Variants in PPP1R9A observed in about 807,000 individuals in gnomAD.
PPP1R9A encodes the protein neurabin-1.
Under a neutral mutation model 141.9 loss-of-function variants are expected in PPP1R9A, and 59 were observed. That is an observed-to-expected ratio of 0.42 (90% CI 0.34 to 0.52). The LOEUF (loss-of-function observed/expected upper bound fraction) is 0.52. Ranked by LOEUF, PPP1R9A falls within the 20% of genes least tolerant of loss-of-function variation. The pLI is 0.10. For missense variants in PPP1R9A, 1,444 were observed against 1,611.9 expected, an observed-to-expected ratio of 0.90 and a Z score of 1.78; for synonymous variants, 500 against 569.7, an observed-to-expected ratio of 0.88 and a Z score of 1.74.
intron 4 of PPP1R9A, among the ~76,000 whole-genome samples, chr7:95,126,815 A>T (rs1823632780): frequency 1.3e-5 from 2 of 152,166 alleles, no homozygotes; most frequent in Admixed American, 1.3e-4. Flanking sequence ...GAGATAAAAG[A>T]TACAAGCAAA....
Position 95,290,498 on chromosome 7 carries a change from C to T in PPP1R9A, c.*195C>T, listed in dbSNP as rs1190751327. On this transcript the variant is annotated 3_prime_UTR_variant, in exon 20 of 20. Transcript: ENST00000433360. Reference sequence around the variant, plus strand: ...TCTTAATTTTAACTACTAAAATAATCCCAAGCCACCTTTGGTTCATTAACA... The same window carrying T: ...TCTTAATTTTAACTACTAAAATAATTCCAAGCCACCTTTGGTTCATTAACA... 11 of 600,544 alleles carry T rather than the reference C, an allele frequency of 1.8e-5. No individual in the cohort carries two copies. The Admixed American group carries it at 2.9e-4, about 16-fold the overall frequency. 37.2% of individuals were successfully genotyped at this position (600,544 alleles called of 1,614,324 possible).
intron 2 of PPP1R9A, among the ~76,000 whole-genome samples, chr7:95,014,790 T>C (rs1379176928): frequency 6.6e-6 from 1 of 152,124 alleles, no homozygotes; most frequent in Admixed American, 6.6e-5. Flanking sequence ...GTCATTGTAC[T>C]GTAAGGAAGA....
intron 3 of PPP1R9A, among the ~76,000 whole-genome samples, chr7:95,118,143 C>T (rs17166665): frequency 0.12 from 18,198 of 152,164 alleles, 1,200 homozygotes; most frequent in Admixed American, 0.17. Context: ...TGCATGTAAC[C>T]AGTGTGGGAG....
At chr7:95,192,316 G>A (rs967186959) in intron 5 of PPP1R9A, among the ~76,000 whole-genome samples, 2 of 151,798 alleles carry the variant, frequency 1.3e-5, no homozygotes, top group Non-Finnish European at 2.9e-5. Flanking sequence ...GTATAAATAT[G>A]CAGTTTCACC....
intron 12 of PPP1R9A, among the ~76,000 whole-genome samples, chr7:95,256,292 T>A (rs1487832270): frequency 6.6e-6 from 1 of 152,118 alleles, no homozygotes; most frequent in Non-Finnish European, 1.5e-5. Context: ...AACTTGAGTC[T>A]ATGTAAACAA....
chr7:95,077,788 G>A (rs1455778140), intron 2 of PPP1R9A, among the ~76,000 whole-genome samples: 1 of 152,110 alleles, frequency 6.6e-6, no homozygotes. Flanking sequence ...GTTGTGGGGA[G>A]GTGACCAGGA....
intron 18 of PPP1R9A, among the ~76,000 whole-genome samples, chr7:95,287,492 G>C (rs1293043780): frequency 2.0e-5 from 3 of 151,994 alleles, no homozygotes; most frequent in Admixed American, 2.0e-4. Flanking sequence ...TTTCCTTCAA[G>C]ACCTATCATC....
At chr7:95,165,469 C>T (rs1831100441) in intron 5 of PPP1R9A, among the ~76,000 whole-genome samples, 1 of 152,158 alleles carries the variant, frequency 6.6e-6, no homozygotes, top group Admixed American at 6.5e-5. Flanking sequence ...ATCTTCCAGC[C>T]TTACTAAAGC....
intron 2 of PPP1R9A, among the ~76,000 whole-genome samples, chr7:94,963,638 A>G (rs1023747263): frequency 6.6e-6 from 1 of 152,238 alleles, no homozygotes; most frequent in African/African-American, 2.4e-5. Flanking sequence ...TTGTAGTCAA[A>G]TAATATTCAT....
At chr7:95,250,297 A>G in intron 10 of PPP1R9A, 42 bp downstream of exon 10, 2 of 1,517,330 alleles carry the variant, frequency 1.3e-6, no homozygotes, top group Non-Finnish European at 1.8e-6. Context: ...ATGTTTGTCT[A>G]AAGAAGGTTT....
chr7:95,031,922 TA>T (rs1315797174), intron 2 of PPP1R9A, among the ~76,000 whole-genome samples: 1 of 152,224 alleles, frequency 6.6e-6, no homozygotes, highest in Non-Finnish European at 1.5e-5. Context: ...GTCACTCAGC[TA>T]GTAAATGCCT....
At chr7:94,959,299 A>C (rs1307497907) in intron 2 of PPP1R9A, among the ~76,000 whole-genome samples, 2 of 151,814 alleles carry the variant, frequency 1.3e-5, no homozygotes, top group African/African-American at 4.8e-5. Flanking sequence ...TCTGAGCAAT[A>C]GTGGTTGTGG....
chr7:95,234,419 C>T (rs1432089245), intron 8 of PPP1R9A, among the ~76,000 whole-genome samples: 1 of 152,048 alleles, frequency 6.6e-6, no homozygotes, highest in Non-Finnish European at 1.5e-5. Context: ...AACTCAACGC[C>T]GTTCACAATA....
intron 2 of PPP1R9A, among the ~76,000 whole-genome samples, chr7:95,034,475 T>C (rs945874020): frequency 3.9e-5 from 6 of 152,156 alleles, no homozygotes; most frequent in Non-Finnish European, 8.8e-5. Context: ...TTCAGGTGAT[T>C]CTCATGCCTC....
chr7:95,290,662 T>C lies in PPP1R9A; in HGVS notation c.*359T>C. On this transcript the variant is annotated 3_prime_UTR_variant, in exon 20 of 20. Transcript: ENST00000433360. ...GCATGACACACCCTGGTGTTGTTAA[T>C]GGAGCGCCGTGAATTTTCAGTGTGG... The C allele has an allele frequency of 4.5e-6, 1 of 221,744 alleles. No individual in the cohort carries two copies. The highest frequency in any genetic ancestry group is 9.1e-6 in the Non-Finnish European group (1 of 109,914). 13.7% of individuals were successfully genotyped at this position (221,744 alleles called of 1,614,324 possible). A position where few individuals can be genotyped will look rare whatever the true frequency, so the allele number is the denominator to read the frequency against.
chr7:95,201,946 A>C (rs1789659123), intron 6 of PPP1R9A, among the ~76,000 whole-genome samples: 2 of 152,312 alleles, frequency 1.3e-5, no homozygotes, highest in Middle Eastern at 6.8e-3. Flanking sequence ...TGAAGGATAG[A>C]TAGCTTCTGT....
At chr7:95,117,155 T>C (rs180913083) in intron 3 of PPP1R9A, among the ~76,000 whole-genome samples, 1 of 152,240 alleles carries the variant, frequency 6.6e-6, no homozygotes, top group East Asian at 1.9e-4. Context: ...AGTATGACAA[T>C]AGTGTCTTCC....
chr7:94,988,831 C>T (rs1320003016), intron 2 of PPP1R9A, among the ~76,000 whole-genome samples: 1 of 151,788 alleles, frequency 6.6e-6, no homozygotes, highest in Non-Finnish European at 1.5e-5. Context: ...GATAACCTGC[C>T]TCCCACCCCA....
At chr7:94,963,398 T>A (rs185728518) in intron 2 of PPP1R9A, among the ~76,000 whole-genome samples, 1 of 152,278 alleles carries the variant, frequency 6.6e-6, no homozygotes, top group East Asian at 1.9e-4. Context: ...AAATTTTTAG[T>A]ATACTTGCAG....
Sources: gnomAD v4.1 joint callset for allele counts (sites outside exome capture counted in the v4.1 genomes callset) on GRCh38, gnomAD v4.1.1 for gene constraint, MANE v1.5 for transcripts, NCBI Gene and HGNC (gene_info 2026-07-23, HGNC 2026-07-21) for gene names.